Variants in GHR observed in about 807,000 individuals in gnomAD.
GHR encodes the protein growth hormone receptor.
A neutral mutation model predicts 67.1 loss-of-function variants in GHR; 35 were observed. The ratio of observed to expected loss-of-function variants is 0.52; its 90% CI spans 0.40 to 0.69. The LOEUF is 0.69. GHR is among the 30% of genes least tolerant of loss of function. GHR has a pLI of 0.00. For synonymous variants in GHR, 272 were observed against 269.1 expected, an observed-to-expected ratio of 1.01 and a Z score of -0.10; for missense variants, 792 against 764.6, an observed-to-expected ratio of 1.04 and a Z score of -0.42.
intron 3 of GHR, among the ~76,000 whole-genome samples, chr5:42,639,868 CA>C (rs1320208189): frequency 1.3e-5 from 2 of 152,076 alleles, no homozygotes; most frequent in Non-Finnish European, 2.9e-5. Flanking sequence ...CAGGGCCTTA[CA>C]AAAAGTAGAA....
At chr5:42,438,731 C>A (rs1307319410) in intron 1 of GHR, among the ~76,000 whole-genome samples, 3 of 151,988 alleles carry the variant, frequency 2.0e-5, no homozygotes, top group Non-Finnish European at 2.9e-5. Flanking sequence ...GGAATCTTGA[C>A]CCCCTAGTGA....
intron 1 of GHR, among the ~76,000 whole-genome samples, chr5:42,528,729 A>G (rs1387515289): frequency 1.3e-5 from 2 of 152,192 alleles, no homozygotes; most frequent in Non-Finnish European, 2.9e-5. Context: ...GAAATCTTTT[A>G]TGAAAGGAAG....
chr5:42,507,786 A>G (rs147149827), intron 1 of GHR, among the ~76,000 whole-genome samples: 189 of 152,302 alleles, frequency 1.2e-3, no homozygotes, highest in African/African-American at 4.1e-3. Flanking sequence ...ACAGAAGCTA[A>G]AGTTCTGGAG....
intron 3 of GHR, among the ~76,000 whole-genome samples, chr5:42,641,302 G>A (rs1039540458): frequency 6.6e-6 from 1 of 152,124 alleles, no homozygotes; most frequent in Admixed American, 6.5e-5. Flanking sequence ...CTGCCTGGAT[G>A]AGTCATTTGT....
chr5:42,424,302 T>C lies in GHR; in HGVS notation c.-12+347T>C. On this transcript the variant is annotated intron_variant, in intron 1 of 9. Coordinates refer to ENST00000230882, the MANE Select transcript of GHR (RefSeq NM_000163.5). This position sits in a 1 kb window ranked among gnomAD's most constrained non-coding sequence, Gnocchi z 4.1. ...GGCGTCTGCTCTGGCCCGCGAGTAG[T>C]GTACGTGGAGGGGTTTACTCCGGAG... is the stretch of plus-strand genomic sequence containing the variant. 2.0e-6 allele frequency: 1 copy of C among 502,608 alleles called. No individual in the cohort carries two copies. Among genetic ancestry groups the C allele is most frequent in the Admixed American group, 3.3e-5 (1 of 30,396 alleles). The allele number at this position is 502,608 out of a possible 1,614,324, so 31.1% of individuals were successfully genotyped here.
At chr5:42,507,555 C>T (rs1391353559) in intron 1 of GHR, among the ~76,000 whole-genome samples, 2 of 152,122 alleles carry the variant, frequency 1.3e-5, no homozygotes, top group Non-Finnish European at 2.9e-5. Context: ...TCAGTCAGGT[C>T]CTGGAAAGAC....
chr5:42,462,683 A>G (rs1298497459), intron 1 of GHR, among the ~76,000 whole-genome samples: 3 of 150,204 alleles, frequency 2.0e-5, no homozygotes, highest in Admixed American at 1.3e-4. Context: ...ATTTGAAAAC[A>G]AAATGTGTGT....
At chr5:42,556,386 T>A (rs1749311690) in intron 1 of GHR, among the ~76,000 whole-genome samples, 1 of 152,140 alleles carries the variant, frequency 6.6e-6, no homozygotes, top group Non-Finnish European at 1.5e-5. Flanking sequence ...CCTTTTAGAT[T>A]AGGTAAAACA....
At chr5:42,641,559 T>C (rs1754476965) in intron 3 of GHR, among the ~76,000 whole-genome samples, 1 of 152,144 alleles carries the variant, frequency 6.6e-6, no homozygotes, top group South Asian at 2.1e-4. Context: ...TCTGGAATTC[T>C]GTGGTGCCTA....
chr5:42,682,809 G>T (rs1223049722), intron 3 of GHR, among the ~76,000 whole-genome samples: 2 of 152,152 alleles, frequency 1.3e-5, no homozygotes, highest in East Asian at 3.8e-4. Flanking sequence ...ATTTAGTAAA[G>T]TTAATATACC....
At chr5:42,465,525 C>G (rs961943553) in intron 1 of GHR, 8 of 1,531,086 alleles carry the variant, frequency 5.2e-6, no homozygotes, top group Admixed American at 1.7e-5. Flanking sequence ...GGATGATGTT[C>G]TTCACCTTCA....
chr5:42,440,440 A>G (rs373492554), intron 1 of GHR, among the ~76,000 whole-genome samples: 1 of 152,210 alleles, frequency 6.6e-6, no homozygotes, highest in Admixed American at 6.5e-5. Flanking sequence ...TGAGAACTAA[A>G]AACAGTCAAG....
intron 3 of GHR, among the ~76,000 whole-genome samples, chr5:42,665,998 C>T (rs1398126814): frequency 1.3e-5 from 2 of 152,098 alleles, no homozygotes; most frequent in African/African-American, 4.8e-5. Context: ...CCAGCTCCCT[C>T]TCATGACACA....
chr5:42,439,640 G>C (rs1743482213), intron 1 of GHR, among the ~76,000 whole-genome samples: 1 of 152,058 alleles, frequency 6.6e-6, no homozygotes, highest in African/African-American at 2.4e-5. Flanking sequence ...TGTTGGTTTG[G>C]GTACATGTCT....
intron 2 of GHR, among the ~76,000 whole-genome samples, chr5:42,588,346 C>A (rs142708645): frequency 2.0e-5 from 3 of 151,606 alleles, no homozygotes; most frequent in East Asian, 3.9e-4. Flanking sequence ...AGTGAAACCC[C>A]GTCTCTACTA....
chr5:42,648,506 C>T (rs1177447960), intron 3 of GHR, among the ~76,000 whole-genome samples: 1 of 152,054 alleles, frequency 6.6e-6, no homozygotes, highest in Non-Finnish European at 1.5e-5. Context: ...ATTTGTCTTC[C>T]TGACTTCTTC....
chr5:42,530,023 T>G (rs1182765968), intron 1 of GHR, among the ~76,000 whole-genome samples: 48 of 124,552 alleles, frequency 3.9e-4, no homozygotes, highest in African/African-American at 1.0e-3. Flanking sequence ...TTTTTTTTTT[T>G]GCTTTGCAAA....
intron 1 of GHR, chr5:42,548,239 G>A (rs1748828323): frequency 2.0e-6 from 2 of 985,188 alleles, no homozygotes; most frequent in East Asian, 2.3e-4. Context: ...GCATGAGAGA[G>A]AGAGATTGAG....
chr5:42,703,449 T>TA (rs1260228737), intron 6 of GHR, among the ~76,000 whole-genome samples: 1 of 152,100 alleles, frequency 6.6e-6, no homozygotes, highest in Non-Finnish European at 1.5e-5. Context: ...TTTTGATGAC[T>TA]ATAGCTTTGT....
Sources: allele counts gnomAD v4.1 joint callset (sites outside exome capture counted in the v4.1 genomes callset), GRCh38; gene constraint gnomAD v4.1.1; non-coding constraint Gnocchi (gnomAD v3.1); transcripts MANE v1.5; gene names NCBI Gene and HGNC (gene_info 2026-07-23, HGNC 2026-07-21).